The following AGMO variants were observed in gnomAD, a reference collection of about 807,000 sequenced individuals.
AGMO encodes the protein alkylglycerol monooxygenase.
AGMO carries 75 observed loss-of-function variants against 60.2 expected under a neutral mutation model. The ratio of observed to expected loss-of-function variants is 1.25; its 90% confidence interval spans 1.03 to 1.51. The LOEUF (loss-of-function observed/expected upper bound fraction) is 1.51. AGMO is among the 40% of genes most tolerant of loss of function. AGMO has a pLI of 0.00. For missense variants in AGMO, 763 were observed against 525.5 expected, an observed-to-expected ratio of 1.45 and a Z score of -4.42; for synonymous variants, 261 against 177.1, an observed-to-expected ratio of 1.47 and a Z score of -3.76.
chr7:15,258,185 A>C (rs1783157380), intron 12 of AGMO, among the ~76,000 whole-genome samples: 1 of 152,220 alleles, frequency 6.6e-6, no homozygotes. Flanking sequence ...CCAATATCTT[A>C]ATACTTTTTT....
chr7:15,520,707 G>A (rs1460994669), intron 3 of AGMO, among the ~76,000 whole-genome samples: 1 of 152,164 alleles, frequency 6.6e-6, no homozygotes, highest in African/African-American at 2.4e-5. Flanking sequence ...GCAGTGTCTA[G>A]AGGAAAATTT....
At position 15,373,184 on chromosome 7, in the gene AGMO, A is replaced by G. The variant is rs1345937181; in HGVS notation, c.1075-6962T>C. Among the ~76,000 whole-genome samples, 4 of 152,064 alleles carry G rather than the reference A, an allele frequency of 2.6e-5. No homozygotes were observed. In the South Asian group the frequency reaches 6.2e-4, roughly 24 times the overall value. ...TTCCAGCTACTTGGGAGGTTAAGGC[A>G]CAAGAACTGATTGAAACTGGGAGGA... On this transcript the variant is annotated intron_variant, in intron 10 of 12. Coordinates refer to ENST00000342526, the MANE Select transcript of AGMO (RefSeq NM_001004320.2).
At chr7:15,270,753 T>C (rs1783582307) in intron 12 of AGMO, among the ~76,000 whole-genome samples, 1 of 151,334 alleles carries the variant, frequency 6.6e-6, no homozygotes, top group African/African-American at 2.4e-5. Flanking sequence ...TCCAGAAGAG[T>C]TTTTCCTAAG....
chr7:15,544,683 T>C, intron 3 of AGMO, 89 bp downstream of exon 3: 1 of 1,073,798 alleles, frequency 9.3e-7, no homozygotes, highest in Non-Finnish European at 1.2e-6. Flanking sequence ...TTCCTGTATT[T>C]ATCCATTCAA....
At chr7:15,424,619 G>T (rs1278877066) in intron 4 of AGMO, among the ~76,000 whole-genome samples, 1 of 152,122 alleles carries the variant, frequency 6.6e-6, no homozygotes, top group African/African-American at 2.4e-5. Flanking sequence ...ACGCATGCTA[G>T]CATTAGTCTT....
chr7:15,499,323 G>A lies in AGMO; in HGVS notation c.409+45449C>T, dbSNP rs1583617685. Among the ~76,000 whole-genome samples the A allele has an allele frequency of 2.0e-5, 3 of 151,934 alleles. No homozygotes were observed. In the South Asian group the frequency reaches 6.2e-4, roughly 32 times the overall value. ...CACTCACCTTTTGTGTGCCTGAGTAGAACCAAACAAAACTTTGAAGCAAAC... is the reference window on the plus strand; with the variant it reads ...CACTCACCTTTTGTGTGCCTGAGTAAAACCAAACAAAACTTTGAAGCAAAC... On this transcript the variant is annotated intron_variant, in intron 3 of 12. Coordinates refer to ENST00000342526, the MANE Select transcript of AGMO (RefSeq NM_001004320.2).
chr7:15,224,125 G>A (rs553426791), intron 12 of AGMO, among the ~76,000 whole-genome samples: 1 of 152,008 alleles, frequency 6.6e-6, no homozygotes, highest in Non-Finnish European at 1.5e-5. Context: ...AGAAGGTATG[G>A]TGAGTCTCTC....
At chr7:15,174,213 AATAG>A in the AGMO span, among the ~76,000 whole-genome samples, 55 of 152,218 alleles carry the variant, frequency 3.6e-4, no homozygotes, top group African/African-American at 1.2e-3. Context: ...AAATAGAAAT[AATAG>A]ATAGAAACAT....
chr7:15,162,611 C>A, the AGMO span, among the ~76,000 whole-genome samples: 2 of 152,064 alleles, frequency 1.3e-5, no homozygotes, highest in Non-Finnish European at 2.9e-5. Flanking sequence ...GGAGGATCTT[C>A]AGAGCCCAGG....
chr7:15,356,085 G>A (rs538611053), intron 12 of AGMO, among the ~76,000 whole-genome samples: 1 of 152,068 alleles, frequency 6.6e-6, no homozygotes, highest in East Asian at 1.9e-4. Flanking sequence ...TTACAACTTC[G>A]GTGAGGAAAG....
chr7:15,388,497 T>C (rs1784013530), intron 8 of AGMO, among the ~76,000 whole-genome samples: 2 of 152,314 alleles, frequency 1.3e-5, no homozygotes, highest in East Asian at 3.9e-4. Flanking sequence ...TGTTTTGTAA[T>C]TTTGGAAACT....
At chr7:15,328,930 C>T (rs981794264) in intron 12 of AGMO, among the ~76,000 whole-genome samples, 3 of 152,110 alleles carry the variant, frequency 2.0e-5, no homozygotes, top group Non-Finnish European at 4.4e-5. Context: ...TTGGAAGCAT[C>T]CTTGCCCTCT....
chr7:15,454,158 C>G (rs1292816079), intron 3 of AGMO, among the ~76,000 whole-genome samples: 1 of 151,408 alleles, frequency 6.6e-6, no homozygotes, highest in South Asian at 2.1e-4. Context: ...TAAATATATG[C>G]TCATTGTAGA....
chr7:15,412,841 A>G (rs983261873), intron 5 of AGMO, among the ~76,000 whole-genome samples: 1 of 152,180 alleles, frequency 6.6e-6, no homozygotes, highest in African/African-American at 2.4e-5. Context: ...GTAGTTAGCC[A>G]ATTATTTCAC....
intron 12 of AGMO, among the ~76,000 whole-genome samples, chr7:15,319,443 G>T (rs907025248): frequency 6.6e-6 from 1 of 152,118 alleles, no homozygotes; most frequent in Admixed American, 6.6e-5. Context: ...CCAAAGAGAT[G>T]TACCCTAGGA....
intron 3 of AGMO, among the ~76,000 whole-genome samples, chr7:15,488,323 C>T (rs962535321): frequency 6.6e-6 from 1 of 152,208 alleles, no homozygotes; most frequent in Admixed American, 6.5e-5. Context: ...TAATCATTCA[C>T]AATGCATACT....
At chr7:15,393,425 G>A (rs1413633958) in intron 6 of AGMO, among the ~76,000 whole-genome samples, 1 of 152,148 alleles carries the variant, frequency 6.6e-6, no homozygotes, top group Non-Finnish European at 1.5e-5. Flanking sequence ...CATTTTCATT[G>A]TTATATCCTT....
At chr7:15,198,839 C>T (rs1781201280), downstream of AGMO, among the ~76,000 whole-genome samples, 1 of 152,126 alleles carries the variant, frequency 6.6e-6, no homozygotes, top group Non-Finnish European at 1.5e-5. Flanking sequence ...ATATCTCCAA[C>T]ACCAATCTGA....
chr7:15,501,247 C>A (rs561582214), intron 3 of AGMO, among the ~76,000 whole-genome samples: 48 of 151,986 alleles, frequency 3.2e-4, no homozygotes, highest in Middle Eastern at 3.4e-3. Flanking sequence ...TGTTAATAAT[C>A]TGCCTTCATT....
Sources: gnomAD v4.1 joint callset for allele counts (sites outside exome capture counted in the v4.1 genomes callset) on GRCh38, gnomAD v4.1.1 for gene constraint, MANE v1.5 for transcripts, NCBI Gene and HGNC (gene_info 2026-07-23, HGNC 2026-07-21) for gene names.